The following NFATC2 variants were observed in gnomAD, a reference collection of about 807,000 sequenced individuals.
NFATC2 encodes the protein nuclear factor of activated T cells 2.
A neutral mutation model predicts 87.3 loss-of-function variants in NFATC2; 22 were observed. The observed-to-expected ratio is 0.25, with a 90% confidence interval of 0.18 to 0.36. NFATC2 has a LOEUF of 0.36. Ranked by LOEUF, NFATC2 falls within the 10% of genes least tolerant of loss-of-function variation. NFATC2 has a pLI of 1.00. For synonymous variants in NFATC2, 565 were observed against 542.2 expected, an observed-to-expected ratio of 1.04 and a Z score of -0.58; for missense variants, 1,149 against 1,259.1, an observed-to-expected ratio of 0.91 and a Z score of 1.32.
At chr20:51,560,296 A>C (rs1487615023) in intron 1 of NFATC2, among the ~76,000 whole-genome samples, 1 of 152,220 alleles carries the variant, frequency 6.6e-6, no homozygotes, top group African/African-American at 2.4e-5. Context: ...AAGATCACAC[A>C]GTTGTGATGT....
intron 5 of NFATC2, among the ~76,000 whole-genome samples, chr20:51,457,253 TG>T (rs1166711847): frequency 6.6e-6 from 1 of 152,206 alleles, no homozygotes; most frequent in East Asian, 1.9e-4. Context: ...GGGGAGCAGC[TG>T]GGGGCTTTTG....
chr20:51,463,067 C>G (rs1035680890), intron 5 of NFATC2, among the ~76,000 whole-genome samples: 1 of 152,274 alleles, frequency 6.6e-6, no homozygotes, highest in Non-Finnish European at 1.5e-5. Flanking sequence ...GTCTCTGTAT[C>G]AGGCCCCATC....
intron 9 of NFATC2, among the ~76,000 whole-genome samples, chr20:51,417,753 C>G (rs1230382087): frequency 6.6e-6 from 1 of 152,224 alleles, no homozygotes; most frequent in African/African-American, 2.4e-5. Context: ...CACCTACCAC[C>G]AAGCCCAGCT....
chr20:51,396,086 A>G lies in NFATC2; in HGVS notation c.*44+2557T>C, dbSNP rs928954124. ...TATATATATATATATATATATATAT[A>G]TATATATAAGCTAATGGCAAAGAAG... On this transcript the variant is annotated intron_variant, in intron 10 of 10. Transcript: ENST00000371564. 6.0e-3 allele frequency among the ~76,000 whole-genome samples: 573 copies of G among 96,122 alleles called. 22 individuals are homozygous for G. The highest frequency in any genetic ancestry group is 0.024 in the African/African-American group (557 of 23,396). The allele number at this position is 96,122 out of a possible 152,430, so 63.1% of individuals were successfully genotyped here. A position where few individuals can be genotyped will look rare whatever the true frequency, so the allele number is the denominator to read the frequency against.
intron 5 of NFATC2, among the ~76,000 whole-genome samples, chr20:51,471,851 T>C (rs941334906): frequency 1.8e-4 from 27 of 152,272 alleles, no homozygotes; most frequent in African/African-American, 6.3e-4. Context: ...TTTTTTGGTT[T>C]ATTTTTAAAA....
chr20:51,547,512 C>T (rs1311591705), upstream of NFATC2, among the ~76,000 whole-genome samples: 1 of 152,182 alleles, frequency 6.6e-6, no homozygotes, highest in Admixed American at 6.5e-5. Flanking sequence ...ACCTACAGCT[C>T]TGCCTTCCTT....
At chr20:51,426,074 G>T (rs1981783988) in intron 9 of NFATC2, among the ~76,000 whole-genome samples, 1 of 152,140 alleles carries the variant, frequency 6.6e-6, no homozygotes, top group African/African-American at 2.4e-5. Context: ...AAGAAGCAGG[G>T]CATGAGGGTG....
chr20:51,523,850 T>C lies in NFATC2; in HGVS notation c.391A>G (p.Arg131Gly). 1 of 1,610,438 alleles carries C rather than the reference T, an allele frequency of 6.2e-7. No individual in the cohort carries two copies. The highest frequency in any genetic ancestry group is 1.3e-5 in the African/African-American group (1 of 74,834). The change falls in exon 2 of 11, where the codon AGA (arginine) becomes GGA (glycine). Residue 131 changes from arginine (R) to glycine (G), a missense_variant. This residue lies in a region of NFATC2 where 563 missense variants were observed against 585.2 expected (regional missense o/e 0.96). Transcript: ENST00000371564. The surrounding 1 kb of genome is among the most constrained non-coding windows in gnomAD (Gnocchi z 6.9). ...LIQAVGPLRM[R>G]DAGLLVEQPP... ...TGCTCCACCAGGAGGCCCGCGTCTC[T>C]CATGCGGAGGGGCCCCACTGCCTGG...
In NFATC2 at chr20:51,462,271, CTAA is replaced by C. The variant is rs1444460476; in HGVS notation, c.1709-7586_1709-7584del. 3.2e-5 allele frequency among the ~76,000 whole-genome samples: 4 copies of C among 126,710 alleles called. No individual in the cohort carries two copies. The East Asian group carries it at 9.3e-4, about 29-fold the overall frequency. 83.1% of individuals were successfully genotyped at this position (126,710 alleles called of 152,430 possible). On this transcript the variant is annotated intron_variant, in intron 5 of 10. Coordinates refer to ENST00000371564, the MANE Select transcript of NFATC2 (RefSeq NM_012340.5). ...CCAACATGATGAAACCCCATCTCTG[CTAA>C]TAATACAAAAAAAAAAAAAAAAATA...
At chr20:51,463,744 C>G (rs1987390654) in intron 5 of NFATC2, among the ~76,000 whole-genome samples, 1 of 152,216 alleles carries the variant, frequency 6.6e-6, no homozygotes, top group Non-Finnish European at 1.5e-5. Context: ...TTTTCTGTGC[C>G]TCCATCACTG....
At chr20:51,496,048 C>A (rs553378133) in intron 3 of NFATC2, among the ~76,000 whole-genome samples, 1 of 152,306 alleles carries the variant, frequency 6.6e-6, no homozygotes, top group East Asian at 1.9e-4. Context: ...AGGTTCCAAA[C>A]CCCCACCCAG....
rs1568765976 is a variant in NFATC2, at chr20:51,561,491, G to GAAAGAAAA, written c.70+1068_70+1069insTTTTCTTT. On this transcript the variant is annotated intron_variant, in intron 1 of 10. Transcript: ENST00000414705. ...AGAAAGAAAGAAAGAAAGAAAGCAA[G>GAAAGAAAA]CAAGCAAGCAAGCAAGCAAGCAAGC... Among the ~76,000 whole-genome samples the GAAAGAAAA allele has an allele frequency of 6.3e-5, 6 of 95,144 alleles. No homozygotes were observed. In the East Asian group the frequency reaches 1.9e-3, roughly 30 times the overall value. The allele number at this position is 95,144 out of a possible 152,430, so 62.4% of individuals were successfully genotyped here.
At chr20:51,397,879 G>GCAT (rs1463798186) in intron 10 of NFATC2, among the ~76,000 whole-genome samples, 1 of 152,208 alleles carries the variant, frequency 6.6e-6, no homozygotes, top group African/African-American at 2.4e-5. Flanking sequence ...AACAGCAACA[G>GCAT]CATCTAAGAA....
intron 3 of NFATC2, among the ~76,000 whole-genome samples, chr20:51,486,530 T>C (rs1600847788): frequency 1.3e-5 from 2 of 152,206 alleles, no homozygotes; most frequent in African/African-American, 4.8e-5. Context: ...CATGTCTTCC[T>C]GTTTATTTCC....
chr20:51,491,551 C>T (rs945838460), intron 3 of NFATC2, among the ~76,000 whole-genome samples: 1 of 152,050 alleles, frequency 6.6e-6, no homozygotes, highest in African/African-American at 2.4e-5. Flanking sequence ...CCCGGTGTGA[C>T]GATACTGTAT....
At chr20:51,396,697 C>T (rs1987199162) in intron 10 of NFATC2, among the ~76,000 whole-genome samples, 1 of 152,184 alleles carries the variant, frequency 6.6e-6, no homozygotes, top group African/African-American at 2.4e-5. Flanking sequence ...CCCAAGGCAC[C>T]ACCCCCCAGT....
intron 9 of NFATC2, among the ~76,000 whole-genome samples, chr20:51,408,512 T>TAAA (rs11480882): frequency 0.033 from 4,487 of 137,110 alleles, 191 homozygotes; most frequent in East Asian, 0.079. Flanking sequence ...AGACTCTTTT[T>TAAA]AAAAAAAAAA....
At chr20:51,446,120 G>A (rs1985024048) in intron 6 of NFATC2, among the ~76,000 whole-genome samples, 1 of 152,190 alleles carries the variant, frequency 6.6e-6, no homozygotes, top group Non-Finnish European at 1.5e-5. Flanking sequence ...AAAATGGGAA[G>A]GGGAGGAAGC....
chr20:51,555,560 C>G (rs11696867), intron 1 of NFATC2, among the ~76,000 whole-genome samples: 2,955 of 151,844 alleles, frequency 0.019, 48 homozygotes, highest in Non-Finnish European at 0.033. Context: ...CGCCATTGCA[C>G]TCCAGCCTGG....
Sources: allele counts gnomAD v4.1 joint callset (sites outside exome capture counted in the v4.1 genomes callset), GRCh38; gene constraint gnomAD v4.1.1; regional missense constraint gnomAD v4.1.1; non-coding constraint Gnocchi (gnomAD v3.1); transcripts MANE v1.5; gene names NCBI Gene and HGNC (gene_info 2026-07-23, HGNC 2026-07-21).